DNMBP: variants seen among roughly 807,000 people sequenced by gnomAD.
DNMBP encodes dynamin-binding protein.
DNMBP carries 87 observed loss-of-function variants against 150.0 expected under a neutral mutation model. The ratio of observed to expected loss-of-function variants is 0.58; its 90% confidence interval spans 0.49 to 0.69. DNMBP has a LOEUF of 0.69. Ranked by LOEUF, DNMBP falls within the 30% of genes least tolerant of loss-of-function variation. The pLI is 0.00. For missense variants in DNMBP, 1,774 were observed against 1,949.0 expected, an observed-to-expected ratio of 0.91 and a Z score of 1.69; for synonymous variants, 711 against 750.4, an observed-to-expected ratio of 0.95 and a Z score of 0.86.
chr10:99,958,676 T>C (rs1270875039), intron 3 of DNMBP, among the ~76,000 whole-genome samples: 1 of 152,244 alleles, frequency 6.6e-6, no homozygotes, highest in Non-Finnish European at 1.5e-5. Flanking sequence ...GATGAGATAG[T>C]AACAAATATG....
In DNMBP at chr10:99,985,824, C is replaced by A. The variant is rs188186545; in HGVS notation, c.-10-13690G>T. Among the ~76,000 whole-genome samples the A allele has an allele frequency of 1.3e-3, 201 of 152,308 alleles. 1 individual carries two copies. Among genetic ancestry groups the A allele is most frequent in the African/African-American group, 4.6e-3 (192 of 41,574 alleles). ...GGAGTGCAGTGACGCAATCTCAGCT[C>A]ACTGCAACCTCTGCCTCCTGCACTC... is the stretch of plus-strand genomic sequence containing the variant. On this transcript the variant is annotated intron_variant, in intron 1 of 16. Transcript: ENST00000324109.
intron 4 of DNMBP, among the ~76,000 whole-genome samples, chr10:99,918,691 C>G (rs1472546605): frequency 6.6e-6 from 1 of 151,104 alleles, no homozygotes; most frequent in Non-Finnish European, 1.5e-5. Context: ...CTTAGCCTCC[C>G]GAGTAGCTGG....
chr10:99,932,399 A>G (rs1325778694), intron 4 of DNMBP, among the ~76,000 whole-genome samples: 1 of 152,166 alleles, frequency 6.6e-6, no homozygotes, highest in Non-Finnish European at 1.5e-5. Context: ...AAGGCCAATA[A>G]AAAACAAATT....
At chr10:99,942,013 C>T (rs1443246178) in intron 4 of DNMBP, among the ~76,000 whole-genome samples, 1 of 152,164 alleles carries the variant, frequency 6.6e-6, no homozygotes, top group Non-Finnish European at 1.5e-5. Context: ...TTCCCCTGCT[C>T]AAAACCTTCC....
chr10:99,998,887 T>G (rs2040981249), intron 1 of DNMBP, among the ~76,000 whole-genome samples: 1 of 152,148 alleles, frequency 6.6e-6, no homozygotes, highest in African/African-American at 2.4e-5. Context: ...TTAAATTGAG[T>G]GTTGGATACA....
chr10:99,926,237 C>A (rs563654684), intron 4 of DNMBP, among the ~76,000 whole-genome samples: 2 of 152,268 alleles, frequency 1.3e-5, no homozygotes, highest in Admixed American at 1.3e-4. Context: ...AATCTCCCTA[C>A]TTATAACTAC....
At chr10:99,914,037 G>T in intron 4 of DNMBP, 1 of 1,503,296 alleles carries the variant, frequency 6.7e-7, no homozygotes, top group South Asian at 1.3e-5. Context: ...GCTCTGGAAT[G>T]CTCCACAACC....
chr10:99,894,906 C>T, intron 11 of DNMBP, 40 bp downstream of exon 11: 1 of 1,444,790 alleles, frequency 6.9e-7, no homozygotes. Context: ...GACAGAATTA[C>T]ATCGTATGTT....
chr10:99,975,131 G>A (rs943817073), intron 1 of DNMBP, among the ~76,000 whole-genome samples: 2 of 151,926 alleles, frequency 1.3e-5, no homozygotes, highest in Non-Finnish European at 2.9e-5. Context: ...AGGCTGAGGC[G>A]GGTGGATCAC....
chr10:99,954,707 G>C (rs1412097499), intron 4 of DNMBP, among the ~76,000 whole-genome samples: 1 of 139,100 alleles, frequency 7.2e-6, no homozygotes, highest in Non-Finnish European at 1.5e-5. Context: ...TCGCGCCATT[G>C]CACTCCAGCC....
At chr10:99,972,498 T>C (rs766180604) in intron 1 of DNMBP, among the ~76,000 whole-genome samples, 1 of 152,230 alleles carries the variant, frequency 6.6e-6, no homozygotes, top group South Asian at 2.1e-4. Flanking sequence ...CTCAAACTCC[T>C]GGGCTGAAGC....
chr10:99,892,348 G>A (rs1475141319), intron 11 of DNMBP, among the ~76,000 whole-genome samples: 3 of 144,236 alleles, frequency 2.1e-5, no homozygotes, highest in African/African-American at 5.3e-5. Context: ...TTGAGAAATC[G>A]GATGGTTGCC....
chr10:99,886,873 T>C (rs1342218340), intron 12 of DNMBP, among the ~76,000 whole-genome samples: 1 of 152,136 alleles, frequency 6.6e-6, no homozygotes, highest in Non-Finnish European at 1.5e-5. Flanking sequence ...GTATGTAAAA[T>C]ACACTAATCT....
At chr10:99,877,806 G>A (rs1478445262) in intron 16 of DNMBP, among the ~76,000 whole-genome samples, 1 of 152,110 alleles carries the variant, frequency 6.6e-6, no homozygotes, top group Non-Finnish European at 1.5e-5. Flanking sequence ...AGAGGTTGCA[G>A]TGAGCCAAGA....
At chr10:99,898,063 T>TA (rs753586416) in intron 9 of DNMBP, 23 bp downstream of exon 9, 1 of 1,599,656 alleles carries the variant, frequency 6.3e-7, no homozygotes. Context: ...ATACCTCCTT[T>TA]TCAGCAATTA....
In DNMBP at chr10:99,896,335, G is replaced by T. The variant is rs765516387; in HGVS notation, c.2983C>A (p.His995Asn). 1.2e-6 allele frequency: 2 copies of T among 1,614,012 alleles called. No homozygotes were observed. The highest frequency in any genetic ancestry group is 1.7e-6 in the Non-Finnish European group (2 of 1,179,928). ...CGGTTGGATTTCTTGATGATGGAGTGGATGTTCAGTTTGGAAATTTTCTCC... is the reference window on the plus strand; with the variant it reads ...CGGTTGGATTTCTTGATGATGGAGTTGATGTTCAGTTTGGAAATTTTCTCC... ...LMEKISKLNI[H>N]SIIKKSNRVS... Residue 995 changes from histidine to asparagine, a missense_variant, in exon 10 of 17, where the codon CAC becomes AAC. Transcript: ENST00000324109.
intron 2 of DNMBP, among the ~76,000 whole-genome samples, chr10:99,971,651 G>C (rs892007154): frequency 2.0e-5 from 3 of 152,016 alleles, no homozygotes; most frequent in African/African-American, 7.2e-5. Flanking sequence ...CTCCTGAGTA[G>C]CTGGGATTAC....
At chr10:99,993,484 C>T (rs568697049) in intron 1 of DNMBP, among the ~76,000 whole-genome samples, 17 of 152,104 alleles carry the variant, frequency 1.1e-4, no homozygotes, top group Non-Finnish European at 1.5e-4. Flanking sequence ...CTCCTCTTTC[C>T]GAAATCTCTA....
intron 1 of DNMBP, among the ~76,000 whole-genome samples, chr10:99,999,851 G>A (rs2040991094): frequency 6.6e-6 from 1 of 152,162 alleles, no homozygotes; most frequent in Non-Finnish European, 1.5e-5. Context: ...TGAGGGCCAG[G>A]CAGGCAGCAG....
Sources: allele counts gnomAD v4.1 joint callset (sites outside exome capture counted in the v4.1 genomes callset), GRCh38; gene constraint gnomAD v4.1.1; transcripts MANE v1.5; gene names NCBI Gene and HGNC (gene_info 2026-07-23, HGNC 2026-07-21).